Variants in SEZ6L observed in about 807,000 individuals in gnomAD.
SEZ6L encodes the protein seizure 6-like protein.
In SEZ6L, 37 loss-of-function variants were observed where a neutral mutation model predicts 106.2. The ratio of observed to expected loss-of-function variants is 0.35; its 90% confidence interval spans 0.27 to 0.46. The LOEUF is 0.46. SEZ6L is among the 20% of genes least tolerant of loss of function. The pLI is 1.00. For missense variants in SEZ6L, 1,172 were observed against 1,332.8 expected (o/e 0.88, Z 1.88); for synonymous variants, 541 against 570.4 (o/e 0.95, Z 0.73).
chr22:26,250,413 G>A (rs1228062228), intron 1 of SEZ6L, among the ~76,000 whole-genome samples: 2 of 152,098 alleles, frequency 1.3e-5, no homozygotes, highest in East Asian at 1.9e-4. Context: ...CCATTAATAA[G>A]AGAATGTCCA....
At chr22:26,174,789 C>T (rs1376790088) in intron 1 of SEZ6L, among the ~76,000 whole-genome samples, 3 of 152,166 alleles carry the variant, frequency 2.0e-5, no homozygotes, top group Non-Finnish European at 2.9e-5. Context: ...AGTGGACGCA[C>T]GAGATATAAT....
chr22:26,378,457 T>C (rs2084304320), intron 16 of SEZ6L, among the ~76,000 whole-genome samples: 1 of 152,240 alleles, frequency 6.6e-6, no homozygotes, highest in Non-Finnish European at 1.5e-5. Flanking sequence ...CTCTTAATCA[T>C]GATGCTATCT....
intron 1 of SEZ6L, among the ~76,000 whole-genome samples, chr22:26,285,300 C>G (rs770021303): frequency 6.6e-6 from 1 of 152,124 alleles, no homozygotes. Flanking sequence ...CAAATGTGCC[C>G]GAGACGGAAA....
chr22:26,271,272 G>T (rs2080356757), intron 1 of SEZ6L, among the ~76,000 whole-genome samples: 1 of 152,316 alleles, frequency 6.6e-6, no homozygotes, highest in African/African-American at 2.4e-5. Context: ...CAGCTGTCTA[G>T]ATTCTTCATC....
At chr22:26,348,620 G>GAGAA in intron 11 of SEZ6L, among the ~76,000 whole-genome samples, 1 of 25,132 alleles carries the variant, frequency 4.0e-5, no homozygotes, top group South Asian at 2.0e-3. Flanking sequence ...GAAAAAGAAA[G>GAGAA]AAAGAAAGAA....
intron 1 of SEZ6L, among the ~76,000 whole-genome samples, chr22:26,224,663 A>T (rs1338549487): frequency 6.6e-6 from 1 of 152,194 alleles, no homozygotes; most frequent in Non-Finnish European, 1.5e-5. Context: ...GGCAGTGGTG[A>T]TGGAGAAGAG....
chr22:26,305,888 T>A, intron 5 of SEZ6L, 91 bp from the exon 6 acceptor site: 1 of 1,195,030 alleles, frequency 8.4e-7, no homozygotes, highest in South Asian at 1.4e-5. Flanking sequence ...ACTCACTTCC[T>A]TCTCTCTCTC....
At chr22:26,190,263 G>A (rs1420182841) in intron 1 of SEZ6L, among the ~76,000 whole-genome samples, 1 of 152,012 alleles carries the variant, frequency 6.6e-6, no homozygotes, top group African/African-American at 2.4e-5. Context: ...AGATAAACAA[G>A]TTGTCATATG....
intron 1 of SEZ6L, among the ~76,000 whole-genome samples, chr22:26,201,762 A>C (rs1210643525): frequency 6.6e-6 from 1 of 152,160 alleles, no homozygotes; most frequent in African/African-American, 2.4e-5. Flanking sequence ...CTTCCAGGGT[A>C]GTTGAAGTTG....
At chr22:26,341,983 A>G (rs1171167915) in intron 10 of SEZ6L, among the ~76,000 whole-genome samples, 1 of 152,164 alleles carries the variant, frequency 6.6e-6, no homozygotes, top group East Asian at 1.9e-4. Context: ...GTCGTGTTCC[A>G]GCAGAAGAAA....
intron 1 of SEZ6L, among the ~76,000 whole-genome samples, chr22:26,269,646 G>A (rs769489200): frequency 3.9e-5 from 6 of 152,128 alleles, no homozygotes; most frequent in Non-Finnish European, 7.4e-5. Context: ...TGCTGCTAAC[G>A]TCTCCCAGTC....
rs2146098492 is a variant in SEZ6L, at chr22:26,382,216, G to A, written c.*1921G>A. 3.9e-6 allele frequency: 1 copy of A among 258,150 alleles called. No homozygotes were observed. The highest frequency in any genetic ancestry group is 8.0e-6 in the Non-Finnish European group (1 of 125,604). The allele number at this position is 258,150 out of a possible 1,614,324, so 16.0% of individuals were successfully genotyped here. A position where few individuals can be genotyped will look rare whatever the true frequency, so the allele number is the denominator to read the frequency against. On this transcript the variant is annotated 3_prime_UTR_variant, in exon 17 of 17. Coordinates refer to ENST00000248933, the MANE Select transcript of SEZ6L (RefSeq NM_021115.5). ...CAGAGAAGTGTTCTAGGCCATTAGT[G>A]GACAATGTCATGTTTGGAGAAAGAT...
At chr22:26,286,929 G>A (rs1332413403) in intron 1 of SEZ6L, among the ~76,000 whole-genome samples, 2 of 151,814 alleles carry the variant, frequency 1.3e-5, no homozygotes, top group Non-Finnish European at 2.9e-5. Context: ...TGTATTTTTA[G>A]TAGAGACAGG....
intron 10 of SEZ6L, among the ~76,000 whole-genome samples, chr22:26,343,126 G>A (rs2082896198): frequency 2.0e-5 from 3 of 152,034 alleles, no homozygotes; most frequent in Admixed American, 2.0e-4. Context: ...GGGCTTCAGG[G>A]GATAACTCAT....
At chr22:26,216,157 G>A (rs534458189) in intron 1 of SEZ6L, among the ~76,000 whole-genome samples, 1 of 152,318 alleles carries the variant, frequency 6.6e-6, no homozygotes, top group African/African-American at 2.4e-5. Flanking sequence ...GCAAAGCCCA[G>A]AGAGGAAGAA....
chr22:26,191,079 G>A (rs1197923802), intron 1 of SEZ6L, among the ~76,000 whole-genome samples: 1 of 152,186 alleles, frequency 6.6e-6, no homozygotes, highest in Non-Finnish European at 1.5e-5. Context: ...GTCATTGGTT[G>A]TAAAACACTA....
chr22:26,360,278 C>A (rs1010792184), intron 12 of SEZ6L, among the ~76,000 whole-genome samples: 5 of 152,220 alleles, frequency 3.3e-5, no homozygotes, highest in African/African-American at 7.2e-5. Flanking sequence ...CAATATCCTC[C>A]TTTACACCCA....
At chr22:26,312,691 C>T (rs1269897309) in intron 8 of SEZ6L, among the ~76,000 whole-genome samples, 2 of 152,230 alleles carry the variant, frequency 1.3e-5, no homozygotes, top group Non-Finnish European at 2.9e-5. Context: ...CTGTCTCAGC[C>T]TCCTGAGTAG....
Position 26,291,976 on chromosome 22 carries a change from AAAGGAAGGAAGGAAGGAAGG to A in SEZ6L, c.95-388_95-369del, listed in dbSNP as rs56887152. Among the ~76,000 whole-genome samples, 392 of 123,310 alleles carry A rather than the reference AAAGGAAGGAAGGAAGGAAGG, an allele frequency of 3.2e-3. 2 individuals are homozygous for A. Among genetic ancestry groups the A allele is most frequent in the Non-Finnish European group, 4.6e-3 (274 of 59,112 alleles). 80.9% of individuals were successfully genotyped at this position (123,310 alleles called of 152,430 possible). A position where few individuals can be genotyped will look rare whatever the true frequency, so the allele number is the denominator to read the frequency against. ...CATGATCAAGCCCAAGTCTTCAGGAAAAGGAAGGAAGGAAGGAAGGAAGGAAGGAAGGAAGGAAGGAAGGA... is the reference window on the plus strand; with the variant it reads ...CATGATCAAGCCCAAGTCTTCAGGAAAAGGAAGGAAGGAAGGAAGGAAGGA... On this transcript the variant is annotated intron_variant, in intron 1 of 16. Transcript: ENST00000248933.
Sources: allele counts gnomAD v4.1 joint callset (sites outside exome capture counted in the v4.1 genomes callset), GRCh38; gene constraint gnomAD v4.1.1; transcripts MANE v1.5; gene names NCBI Gene and HGNC (gene_info 2026-07-23, HGNC 2026-07-21).